UBAP2: variants seen among roughly 807,000 people sequenced by gnomAD.
The protein encoded by UBAP2 is ubiquitin-associated protein 2.
A neutral mutation model predicts 139.6 loss-of-function variants in UBAP2; 75 were observed. The ratio of observed to expected loss-of-function variants is 0.54; its 90% CI spans 0.45 to 0.65. The LOEUF (loss-of-function observed/expected upper bound fraction) is 0.65. UBAP2 is among the 30% of genes least tolerant of loss of function. The pLI, the probability that UBAP2 is intolerant of heterozygous loss-of-function variation, is 0.00. For synonymous variants in UBAP2, 526 were observed against 526.2 expected, an observed-to-expected ratio of 1.00 and a Z score of 0.01; for missense variants, 1,368 against 1,369.6, an observed-to-expected ratio of 1.00 and a Z score of 0.02.
rs760129073 is a variant in UBAP2, at chr9:33,941,830, C to G, written c.1748G>C (p.Ser583Thr). The G allele has an allele frequency of 1.7e-5, 28 of 1,613,536 alleles. No individual in the cohort carries two copies. Among genetic ancestry groups the G allele is most frequent in the Middle Eastern group, 1.6e-4 (1 of 6,082 alleles). Residue 583 changes from serine (S) to threonine (T), a missense_variant, in exon 16 of 29, where the codon AGT becomes ACT. By Grantham distance (58) the Ser-to-Thr change is moderately conservative. Coordinates refer to ENST00000379238, the MANE Select transcript of UBAP2 (RefSeq NM_001370062.2). ...TGTATATGTGGAGTTCTGTACTGCA[C>G]TGGTCATTGATAAAGATGTATTCAA... ...EPLNTSLSMT[S>T]AVQNSTYTTS...
chr9:33,968,639 T>C (rs948000591), intron 8 of UBAP2: 5 of 275,400 alleles, frequency 1.8e-5, no homozygotes, highest in Non-Finnish European at 2.8e-5. Context: ...TACGGATTTT[T>C]CTCCTTAATT....
rs561000488 is a variant in UBAP2, at chr9:33,924,249, C to A, written c.2547G>T (p.Ala849=). 1 of 1,614,170 alleles carries A rather than the reference C, an allele frequency of 6.2e-7. No individual in the cohort carries two copies. Among genetic ancestry groups the A allele is most frequent in the East Asian group, 2.2e-5 (1 of 44,882 alleles). The stretch of plus-strand genomic sequence containing the variant: ...CTAGGCTCCCATCTCGGCTGGCAAG[C>A]GCTGTGGGTGCAGCAAAGGGAATTC... ...YYGIPFAAPT[A]LASRDGSLAN... Residue 849 remains alanine, a synonymous_variant, in exon 23 of 29, where the codon GCG becomes GCT. Transcript: ENST00000379238.
At chr9:33,938,523 G>A (rs956990655) in intron 16 of UBAP2, among the ~76,000 whole-genome samples, 5 of 152,168 alleles carry the variant, frequency 3.3e-5, no homozygotes, top group African/African-American at 7.2e-5. Context: ...TTGGCCGGGC[G>A]TGGTGGCTCA....
In UBAP2 at chr9:33,953,344, G is replaced by C. The variant is rs749001491; in HGVS notation, c.997C>G (p.Gln333Glu). 3 of 1,614,198 alleles carry C rather than the reference G, an allele frequency of 1.9e-6. No homozygotes were observed. Among genetic ancestry groups the C allele is most frequent in the Non-Finnish European group, 2.5e-6 (3 of 1,180,044 alleles). ...GAGCTGCCAGTCCCTGGTGCCATCT[G>C]ATTGTTGTGTTGCGAATTTGTGAAG... The part of the protein sequence containing the change: ...LVFTNSQHNN[Q>E]MAPGTGSSTA... The change falls in exon 12 of 29, where the codon CAG (glutamine) becomes GAG (glutamate). Residue 333 changes from glutamine to glutamate, a missense_variant. Coordinates refer to ENST00000379238, the MANE Select transcript of UBAP2 (RefSeq NM_001370062.2).
intron 1 of UBAP2, among the ~76,000 whole-genome samples, chr9:34,036,660 G>T (rs942868459): frequency 1.3e-5 from 2 of 152,082 alleles, no homozygotes; most frequent in South Asian, 4.1e-4. Flanking sequence ...TTGACAACTG[G>T]CAGCAATAAA....
intron 1 of UBAP2, among the ~76,000 whole-genome samples, chr9:34,022,992 C>T (rs1346624479): frequency 2.0e-5 from 3 of 151,766 alleles, no homozygotes; most frequent in African/African-American, 7.3e-5. Flanking sequence ...TTTGGGAGGC[C>T]GAGGCAGGCG....
intron 2 of UBAP2, among the ~76,000 whole-genome samples, chr9:34,016,283 AG>A (rs1222046196): frequency 1.5e-3 from 22 of 14,682 alleles, no homozygotes; most frequent in Middle Eastern, 0.05. Context: ...AAGGAGGAAG[AG>A]GAGGAGGAGG....
intron 15 of UBAP2, 47 bp from the exon 16 acceptor site, chr9:33,941,909 G>A: frequency 7.5e-7 from 1 of 1,336,570 alleles, no homozygotes; most frequent in South Asian, 1.3e-5. Flanking sequence ...ACTTTAAATA[G>A]CTTCATAAAA....
At chr9:33,943,660 C>A in intron 14 of UBAP2, 71 bp from the exon 15 acceptor site, 1 of 1,471,270 alleles carries the variant, frequency 6.8e-7, no homozygotes, top group Non-Finnish European at 9.2e-7. Flanking sequence ...TATAACAGAG[C>A]CAAACAAGCA....
At chr9:33,935,711 A>T in intron 17 of UBAP2, 128 bp downstream of exon 17, 1 of 1,140,184 alleles carries the variant, frequency 8.8e-7, no homozygotes, top group Non-Finnish European at 1.3e-6. Context: ...AAAAACAAAA[A>T]AGCAAAAGGG....
chr9:34,041,783 G>C (rs1827116351), intron 1 of UBAP2, among the ~76,000 whole-genome samples: 2 of 151,822 alleles, frequency 1.3e-5, no homozygotes, highest in Admixed American at 6.6e-5. Flanking sequence ...CAGAACTTTG[G>C]GAGGCCGAAG....
intron 16 of UBAP2, among the ~76,000 whole-genome samples, chr9:33,936,900 C>T (rs915296670): frequency 1.2e-4 from 16 of 134,610 alleles, no homozygotes; most frequent in African/African-American, 4.0e-4. Flanking sequence ...CATGACCACC[C>T]TGGGCACTGT....
At chr9:33,991,858 G>A (rs1373512562) in intron 4 of UBAP2, among the ~76,000 whole-genome samples, 3 of 152,164 alleles carry the variant, frequency 2.0e-5, no homozygotes, top group African/African-American at 7.2e-5. Context: ...TATACACAAT[G>A]TACATCTTTA....
chr9:33,938,836 G>T (rs1279371836), intron 16 of UBAP2: 1 of 415,034 alleles, frequency 2.4e-6, no homozygotes, highest in South Asian at 1.7e-5. Context: ...AATTTCCATA[G>T]TTCACATGGT....
chr9:33,969,292 T>C (rs999512288), intron 8 of UBAP2, among the ~76,000 whole-genome samples: 2 of 152,180 alleles, frequency 1.3e-5, no homozygotes, highest in African/African-American at 4.8e-5. Flanking sequence ...TGGTGGCTCA[T>C]GTCAATAATC....
chr9:33,924,154 A>C, intron 23 of UBAP2, 52 bp downstream of exon 23: 1 of 1,603,870 alleles, frequency 6.2e-7, no homozygotes, highest in South Asian at 1.1e-5. Flanking sequence ...CAGCTCCTGG[A>C]GTTCGCGCTA....
At chr9:34,009,604 C>CTTA (rs1823566897) in intron 2 of UBAP2, among the ~76,000 whole-genome samples, 1 of 151,674 alleles carries the variant, frequency 6.6e-6, no homozygotes, top group Non-Finnish European at 1.5e-5. Context: ...GATTCAAGCA[C>CTTA]TTATCCTACC....
At chr9:34,020,753 G>C (rs568568236) in intron 1 of UBAP2, among the ~76,000 whole-genome samples, 1 of 151,600 alleles carries the variant, frequency 6.6e-6, no homozygotes, top group African/African-American at 2.4e-5. Context: ...TCTGCTTCCT[G>C]GGTTCACGCC....
At chr9:33,925,714 G>A (rs1172526621) in intron 22 of UBAP2, among the ~76,000 whole-genome samples, 1 of 152,218 alleles carries the variant, frequency 6.6e-6, no homozygotes, top group African/African-American at 2.4e-5. Flanking sequence ...TCTGAAACAA[G>A]AGCAGCTCCG....
Sources: allele counts gnomAD v4.1 joint callset (sites outside exome capture counted in the v4.1 genomes callset), GRCh38; gene constraint gnomAD v4.1.1; transcripts MANE v1.5; gene names NCBI Gene and HGNC (gene_info 2026-07-23, HGNC 2026-07-21).